Variants in IL1RAPL1 observed in about 807,000 individuals in gnomAD.
IL1RAPL1 encodes interleukin 1 receptor accessory protein like 1, also known as interleukin-1 receptor accessory protein-like 1.
IL1RAPL1 carries 3 observed loss-of-function variants against 48.4 expected under a neutral mutation model. That is an observed-to-expected ratio of 0.06 (90% CI 0.03 to 0.16). The LOEUF (loss-of-function observed/expected upper bound fraction) is 0.16. Ranked by LOEUF, IL1RAPL1 falls within the 10% of genes least tolerant of loss-of-function variation. The pLI, the probability that IL1RAPL1 is intolerant of heterozygous loss-of-function variation, is 1.00. For synonymous variants in IL1RAPL1, 185 were observed against 187.7 expected (o/e 0.99, Z 0.12); for missense variants, 349 against 530.6 (o/e 0.66, Z 3.36).
chrX:28,768,529 C>T (rs1244168230), intron 1 of IL1RAPL1, among the ~76,000 whole-genome samples: 1 of 108,627 alleles, frequency 9.2e-6, no homozygotes, highest in Non-Finnish European at 1.9e-5. Context: ...AAATGTTTTT[C>T]CTTCAGTTCT....
intron 5 of IL1RAPL1, among the ~76,000 whole-genome samples, chrX:29,496,128 C>T (rs1461233099): frequency 8.9e-6 from 1 of 111,873 alleles, no homozygotes; most frequent in Non-Finnish European, 1.9e-5. Flanking sequence ...AAGTTTCTTA[C>T]ATTCAATGTT....
At chrX:28,741,731 G>A (rs1263460625) in intron 1 of IL1RAPL1, among the ~76,000 whole-genome samples, 1 of 111,889 alleles carries the variant, frequency 8.9e-6, no homozygotes, top group Non-Finnish European at 1.9e-5. Flanking sequence ...ACCTTTGTCA[G>A]CAAATAGATT....
chrX:29,527,600 CAGGCGTG>C (rs923873627), intron 5 of IL1RAPL1, among the ~76,000 whole-genome samples: 1 of 110,330 alleles, frequency 9.1e-6, no homozygotes, highest in Non-Finnish European at 1.9e-5. Flanking sequence ...GCTGGGATTA[CAGGCGTG>C]AGCCGCTGTG....
At chrX:29,606,958 T>C (rs1396025221) in intron 5 of IL1RAPL1, among the ~76,000 whole-genome samples, 1 of 111,871 alleles carries the variant, frequency 8.9e-6, no homozygotes, top group Non-Finnish European at 1.9e-5. Flanking sequence ...GAGTACATTT[T>C]TAATGAATGA....
intron 5 of IL1RAPL1, among the ~76,000 whole-genome samples, chrX:29,581,998 C>A (rs987431999): frequency 1.8e-5 from 2 of 111,669 alleles, no homozygotes; most frequent in Admixed American, 9.5e-5. Flanking sequence ...GAGGCTTGGG[C>A]TGAGTTTATG....
intron 6 of IL1RAPL1, among the ~76,000 whole-genome samples, chrX:29,752,495 C>CCAAAA (rs533554738): frequency 0.025 from 1,335 of 52,620 alleles, 30 homozygotes; most frequent in African/African-American, 0.093. Context: ...GACTTTGTCT[C>CCAAAA]AAAAAAAAAA....
At chrX:28,916,361 A>G (rs1923490625) in intron 2 of IL1RAPL1, among the ~76,000 whole-genome samples, 1 of 111,583 alleles carries the variant, frequency 9.0e-6, no homozygotes, top group African/African-American at 3.3e-5. Flanking sequence ...ATCTATGAAC[A>G]TGCATTCAAA....
intron 3 of IL1RAPL1, chrX:29,369,362 A>C (rs1052198183): frequency 3.6e-5 from 4 of 110,997 alleles, no homozygotes; most frequent in African/African-American, 1.3e-4. Context: ...AGGTGCCTGC[A>C]TTCTATTGGA....
At chrX:29,027,681 T>C (rs1433697746) in intron 2 of IL1RAPL1, among the ~76,000 whole-genome samples, 2 of 111,854 alleles carry the variant, frequency 1.8e-5, no homozygotes, top group Non-Finnish European at 3.8e-5. Context: ...CCTGTTGCTT[T>C]ACAAGCTTAC....
chrX:29,164,398 A>T (rs1929745708), intron 2 of IL1RAPL1, among the ~76,000 whole-genome samples: 1 of 112,145 alleles, frequency 8.9e-6, no homozygotes, highest in Admixed American at 9.5e-5. Flanking sequence ...AACACAAAAA[A>T]AATTCCTTTG....
At chrX:29,914,979 CT>C (rs1199657833) in intron 6 of IL1RAPL1, among the ~76,000 whole-genome samples, 1 of 112,347 alleles carries the variant, frequency 8.9e-6, no homozygotes, top group Non-Finnish European at 1.9e-5. Context: ...CTTGCCTTAT[CT>C]GGTCATCAGT....
chrX:29,754,357 C>A (rs1017641393), intron 6 of IL1RAPL1, among the ~76,000 whole-genome samples: 2 of 111,399 alleles, frequency 1.8e-5, no homozygotes, highest in Non-Finnish European at 3.8e-5. Flanking sequence ...ACAGTCCCAT[C>A]CATTAAAATC....
chrX:29,240,718 GT>G (rs1251104622), intron 2 of IL1RAPL1, among the ~76,000 whole-genome samples: 2 of 111,575 alleles, frequency 1.8e-5, no homozygotes, highest in Non-Finnish European at 3.8e-5. Flanking sequence ...AAAAACAATT[GT>G]TTTTGTCCAA....
chrX:29,334,480 G>A (rs1254384302), intron 3 of IL1RAPL1, among the ~76,000 whole-genome samples: 2 of 112,583 alleles, frequency 1.8e-5, no homozygotes, highest in South Asian at 3.6e-4. Context: ...CCTCCCGGAC[G>A]GGGTGGCTGC....
At chrX:28,951,135 G>T (rs1370140313) in intron 2 of IL1RAPL1, among the ~76,000 whole-genome samples, 1 of 70,758 alleles carries the variant, frequency 1.4e-5, no homozygotes, top group Non-Finnish European at 2.6e-5. Context: ...GGTGGGGGGA[G>T]GGGGGAGGGA....
chrX:28,831,391 A>G (rs1208847621), intron 2 of IL1RAPL1, among the ~76,000 whole-genome samples: 1 of 108,625 alleles, frequency 9.2e-6, no homozygotes. Flanking sequence ...TTGCCATATT[A>G]GGGATAGAAC....
At chrX:28,856,563 C>T (rs1008077943) in intron 2 of IL1RAPL1, among the ~76,000 whole-genome samples, 1 of 111,461 alleles carries the variant, frequency 9.0e-6, no homozygotes, top group African/African-American at 3.3e-5. Flanking sequence ...TTTGTGTCTC[C>T]GTGTCACATT....
chrX:28,708,462 T>C (rs2146933668), intron 1 of IL1RAPL1, among the ~76,000 whole-genome samples: 1 of 111,423 alleles, frequency 9.0e-6, no homozygotes, highest in Admixed American at 9.6e-5. Context: ...TCCAGCTGCT[T>C]AATATCCACC....
intron 5 of IL1RAPL1, among the ~76,000 whole-genome samples, chrX:29,505,775 G>A (rs1299002268): frequency 9.0e-6 from 1 of 111,626 alleles, no homozygotes; most frequent in African/African-American, 3.3e-5. Context: ...GTGGATATTT[G>A]TCTCTTCTCA....
Sources: gnomAD v4.1 joint callset for allele counts (sites outside exome capture counted in the v4.1 genomes callset) on GRCh38, gnomAD v4.1.1 for gene constraint, MANE v1.5 for transcripts, NCBI Gene and HGNC (gene_info 2026-07-23, HGNC 2026-07-21) for gene names.